The following PLA2G4A variants were observed in gnomAD, a reference collection of about 807,000 sequenced individuals.
The protein encoded by PLA2G4A is cytosolic phospholipase A2.
In PLA2G4A, 40 loss-of-function variants were observed where a neutral mutation model predicts 81.9. That is an observed-to-expected ratio of 0.49 (90% CI 0.38 to 0.64). The LOEUF (loss-of-function observed/expected upper bound fraction) is 0.64, where lower values mean the gene tolerates loss of function less well. PLA2G4A is among the 30% of genes least tolerant of loss of function. PLA2G4A has a pLI of 0.00. For missense variants in PLA2G4A, 715 were observed against 905.1 expected (o/e 0.79, Z 2.69); for synonymous variants, 302 against 296.9 (o/e 1.02, Z -0.18).
chr1:186,973,570 A>G (rs754204800), intron 15 of PLA2G4A, among the ~76,000 whole-genome samples: 8 of 152,222 alleles, frequency 5.3e-5, no homozygotes, highest in Non-Finnish European at 1.2e-4. Context: ...CACATTGAGA[A>G]TCAGATGTTT....
chr1:186,950,701 A>G lies in PLA2G4A; in HGVS notation c.1309A>G (p.Ser437Gly), dbSNP rs1656527963. 2 of 1,604,124 alleles carry G rather than the reference A, an allele frequency of 1.2e-6. No individual in the cohort carries two copies. Among genetic ancestry groups the G allele is most frequent in the Non-Finnish European group, 1.7e-6 (2 of 1,171,248 alleles). The change falls in exon 13 of 18, where the codon AGT becomes GGT. Residue 437 changes from serine to glycine, a missense_variant. Coordinates refer to ENST00000367466, the MANE Select transcript of PLA2G4A (RefSeq NM_024420.3). ...TATTGTGAGTAATGATAGCTCGGAC[A>G]GTGATGATGAATCACACGAACCCAA... ...KHIVSNDSSDSDDESHEPKGT... is the reference protein window; with the variant it reads ...KHIVSNDSSDGDDESHEPKGT...
intron 10 of PLA2G4A, among the ~76,000 whole-genome samples, chr1:186,945,576 G>A (rs1477663502): frequency 6.6e-6 from 1 of 152,110 alleles, no homozygotes. Context: ...ATGGATAAGT[G>A]ACCAGGTTCT....
At chr1:186,909,848 A>G (rs960438088) in intron 6 of PLA2G4A, among the ~76,000 whole-genome samples, 1 of 152,122 alleles carries the variant, frequency 6.6e-6, no homozygotes, top group Admixed American at 6.6e-5. Flanking sequence ...AAGTAGAATT[A>G]TTAGGCCAAA....
rs540471122 is a variant in PLA2G4A, at chr1:186,834,560, G to A, written c.-70+5525G>A. On this transcript the variant is annotated intron_variant, in intron 1 of 17. Coordinates refer to ENST00000367466, the MANE Select transcript of PLA2G4A (RefSeq NM_024420.3). The stretch of plus-strand genomic sequence containing the variant: ...CCCAGGAAGTCCACTCTCCTGGTGC[G>A]TGTTTCCATAATAACTCAATCGTTC... Among the ~76,000 whole-genome samples, 218 of 152,122 alleles carry A rather than the reference G, an allele frequency of 1.4e-3. 3 individuals carry two copies. Among genetic ancestry groups the A allele is most frequent in the African/African-American group, 4.0e-3 (164 of 41,516 alleles).
intron 10 of PLA2G4A, among the ~76,000 whole-genome samples, chr1:186,944,907 C>G (rs1656283983): frequency 6.6e-6 from 1 of 152,074 alleles, no homozygotes; most frequent in South Asian, 2.1e-4. Context: ...ACATTCAAGC[C>G]TGATTTCTCA....
chr1:186,857,572 A>G (rs1652635655), intron 2 of PLA2G4A, among the ~76,000 whole-genome samples: 2 of 144,016 alleles, frequency 1.4e-5, no homozygotes, highest in South Asian at 2.1e-4. Flanking sequence ...TAATATTAAT[A>G]TAAATATAAA....
In PLA2G4A at chr1:186,852,089, C is replaced by T. The variant is rs988678192; in HGVS notation, c.-69-2197C>T. On this transcript the variant is annotated intron_variant, in intron 1 of 17. Transcript: ENST00000367466. ...ACCTGTATATATATATCCTATCATT[C>T]ATTCATTATTTAACAAATATGTATT... Among the ~76,000 whole-genome samples, 12 of 152,024 alleles carry T rather than the reference C, an allele frequency of 7.9e-5. No individual in the cohort carries two copies. The South Asian group carries it at 2.5e-3, about 31-fold the overall frequency.
intron 7 of PLA2G4A, among the ~76,000 whole-genome samples, chr1:186,929,821 G>A (rs1048363813): frequency 2.6e-5 from 4 of 152,170 alleles, no homozygotes; most frequent in African/African-American, 2.4e-5. Context: ...CAGCAAGTTG[G>A]GAGGGCAAGG....
intron 14 of PLA2G4A, among the ~76,000 whole-genome samples, chr1:186,965,060 A>G (rs1657084941): frequency 6.6e-6 from 1 of 152,256 alleles, no homozygotes; most frequent in African/African-American, 2.4e-5. Flanking sequence ...GGAAATGTTT[A>G]GAAACATGTA....
At chr1:186,979,834 GTAGT>G (rs1180739522) in intron 17 of PLA2G4A, among the ~76,000 whole-genome samples, 3 of 151,214 alleles carry the variant, frequency 2.0e-5, no homozygotes, top group Non-Finnish European at 2.9e-5. Flanking sequence ...AACCAGAAGT[GTAGT>G]TAATCTGCAA....
chr1:186,863,914 C>G (rs903706360), intron 2 of PLA2G4A, among the ~76,000 whole-genome samples: 9 of 152,006 alleles, frequency 5.9e-5, no homozygotes, highest in Admixed American at 2.0e-4. Context: ...GTGCCTGCCA[C>G]CACGCCTGGC....
At chr1:186,981,574 A>G (rs1351349880) in intron 17 of PLA2G4A, among the ~76,000 whole-genome samples, 7 of 152,218 alleles carry the variant, frequency 4.6e-5, no homozygotes, top group Non-Finnish European at 8.8e-5. Context: ...AATATACAAA[A>G]TATAAAATTT....
chr1:186,842,393 T>C (rs1652016721), intron 1 of PLA2G4A, among the ~76,000 whole-genome samples: 1 of 152,072 alleles, frequency 6.6e-6, no homozygotes, highest in South Asian at 2.1e-4. Context: ...ATTTTCTCCC[T>C]CCCTCCTACA....
At chr1:186,835,391 T>A (rs1651743126) in intron 1 of PLA2G4A, among the ~76,000 whole-genome samples, 1 of 152,198 alleles carries the variant, frequency 6.6e-6, no homozygotes, top group South Asian at 2.1e-4. Context: ...AAACATATAT[T>A]TGATGCAATA....
chr1:186,867,716 A>T (rs554497395), intron 2 of PLA2G4A, among the ~76,000 whole-genome samples: 2 of 152,182 alleles, frequency 1.3e-5, no homozygotes, highest in African/African-American at 2.4e-5. Context: ...TGCATCAAAT[A>T]GGACTTCCAG....
intron 8 of PLA2G4A, among the ~76,000 whole-genome samples, chr1:186,935,299 A>G (rs1020633654): frequency 3.3e-5 from 5 of 151,962 alleles, no homozygotes; most frequent in African/African-American, 1.2e-4. Context: ...AAAAATAGGC[A>G]TATGAACCTC....
intron 14 of PLA2G4A, among the ~76,000 whole-genome samples, chr1:186,961,586 G>A (rs1656947659): frequency 6.6e-6 from 1 of 152,144 alleles, no homozygotes; most frequent in African/African-American, 2.4e-5. Context: ...CTAAAGCTGG[G>A]AATTGGTCCA....
chr1:186,933,694 G>A (rs561974518), intron 8 of PLA2G4A, among the ~76,000 whole-genome samples: 77 of 152,116 alleles, frequency 5.1e-4, no homozygotes, highest in African/African-American at 1.7e-3. Flanking sequence ...TCAGAATATC[G>A]TATTATATAT....
chr1:186,973,950 A>T (rs886664079), intron 15 of PLA2G4A, among the ~76,000 whole-genome samples: 2 of 152,074 alleles, frequency 1.3e-5, no homozygotes, highest in Non-Finnish European at 2.9e-5. Context: ...GTTTTATGTA[A>T]TGAGAAACAT....
Sources: allele counts gnomAD v4.1 joint callset (sites outside exome capture counted in the v4.1 genomes callset), GRCh38; gene constraint gnomAD v4.1.1; transcripts MANE v1.5; gene names NCBI Gene and HGNC (gene_info 2026-07-23, HGNC 2026-07-21).